The following TMC3 variants were observed in gnomAD, a reference collection of about 807,000 sequenced individuals.
TMC3 encodes the protein transmembrane channel-like protein 3.
Under a neutral mutation model 110.6 loss-of-function variants are expected in TMC3, and 98 were observed. The ratio of observed to expected loss-of-function variants is 0.89; its 90% CI spans 0.75 to 1.05. The LOEUF (loss-of-function observed/expected upper bound fraction) is 1.05. Among genes scored for constraint, TMC3 ranks in the 50% least tolerant of loss-of-function variants. The pLI, the probability that TMC3 is intolerant of heterozygous loss-of-function variation, is 0.00. For synonymous variants in TMC3, 489 were observed against 513.1 expected (o/e 0.95, Z 0.63); for missense variants, 1,319 against 1,373.2 (o/e 0.96, Z 0.62).
At chr15:81,362,579 T>C (rs1294384916) in intron 3 of TMC3, among the ~76,000 whole-genome samples, 2 of 152,142 alleles carry the variant, frequency 1.3e-5, no homozygotes, top group African/African-American at 2.4e-5. Flanking sequence ...GTGATGCCTG[T>C]ATTGAAGTGG....
At chr15:81,343,385 A>C (rs1339698325) in intron 14 of TMC3, 40 bp from the exon 15 acceptor site, 16 of 1,417,710 alleles carry the variant, frequency 1.1e-5, no homozygotes, top group Non-Finnish European at 1.6e-5. Context: ...ACAAGTTCCA[A>C]AGTTCTTTGC....
chr15:81,341,513 C>G lies in TMC3; in HGVS notation c.1721G>C (p.Gly574Ala). 3.7e-6 allele frequency: 6 copies of G among 1,609,348 alleles called. No homozygotes were observed. The highest frequency in any genetic ancestry group is 5.1e-6 in the Non-Finnish European group (6 of 1,177,712). The change falls in exon 16 of 22, where the codon GGG becomes GCG. Residue 574 changes from glycine to alanine, a missense_variant. By Grantham distance (60) the Gly-to-Ala change is moderately conservative. Transcript: ENST00000359440. The stretch of plus-strand genomic sequence containing the variant: ...TGGGAGACATGGGGAGAAGAAGGCC[C>G]CCATCCTGGAACCATGAGGAAGGTC... Reference protein sequence around the residue: ...LVYNQGMIWMGAFFSPCLPAF... With the variant: ...LVYNQGMIWMAAFFSPCLPAF...
At chr15:81,359,838 G>A (rs796758464) in intron 4 of TMC3, among the ~76,000 whole-genome samples, 8 of 152,270 alleles carry the variant, frequency 5.3e-5, no homozygotes, top group African/African-American at 1.7e-4. Context: ...ACCATTTTGA[G>A]AATTTCAAGG....
chr15:81,365,685 AG>A (rs1162820350), intron 3 of TMC3, among the ~76,000 whole-genome samples: 5,957 of 67,496 alleles, frequency 0.088, 171 homozygotes, highest in African/African-American at 0.19. Flanking sequence ...AAAAAAAAAA[AG>A]AAAAAGAAAA....
chr15:81,354,405 A>T (rs1460100944), intron 9 of TMC3, among the ~76,000 whole-genome samples: 1 of 152,180 alleles, frequency 6.6e-6, no homozygotes, highest in Non-Finnish European at 1.5e-5. Context: ...GCCTGACAGA[A>T]CTGTTTGCCC....
intron 15 of TMC3, chr15:81,342,933 T>C (rs958007935): frequency 5.0e-6 from 1 of 200,476 alleles, no homozygotes. Context: ...CTGGCCAAGG[T>C]CCCCCGCAGC....
intron 16 of TMC3, 123 bp from the exon 17 acceptor site, chr15:81,339,627 C>A: frequency 1.4e-6 from 1 of 712,984 alleles, no homozygotes. Flanking sequence ...AAATCCTCCT[C>A]TCAGGGTTAC....
chr15:81,340,208 GTC>G (rs567299755), intron 16 of TMC3, among the ~76,000 whole-genome samples: 1 of 131,468 alleles, frequency 7.6e-6, no homozygotes, highest in Non-Finnish European at 1.5e-5. Context: ...CTGTTTCTCT[GTC>G]TCTCTCTGTC....
chr15:81,351,445 T>C (rs1029330773), intron 10 of TMC3, among the ~76,000 whole-genome samples: 16 of 150,030 alleles, frequency 1.1e-4, no homozygotes, highest in African/African-American at 4.0e-4. Context: ...CTCCGTCGCC[T>C]GGGTTCAAGG....
chr15:81,362,723 T>C (rs1894216200), intron 3 of TMC3, among the ~76,000 whole-genome samples: 1 of 152,180 alleles, frequency 6.6e-6, no homozygotes, highest in African/African-American at 2.4e-5. Flanking sequence ...TACAAATTAC[T>C]CGAGGAATGA....
At chr15:81,346,489 A>C in intron 11 of TMC3, 46 bp from the exon 12 acceptor site, 2 of 1,587,194 alleles carry the variant, frequency 1.3e-6, no homozygotes, top group Non-Finnish European at 1.7e-6. Context: ...ATGGCATAGA[A>C]GTCCGTGGTT....
chr15:81,362,311 A>G lies in TMC3; in HGVS notation c.313-10T>C, dbSNP rs1398326637. The G allele has an allele frequency of 6.2e-7, 1 of 1,608,466 alleles. No individual in the cohort carries two copies. Among genetic ancestry groups the G allele is most frequent in the South Asian group, 1.1e-5 (1 of 89,926 alleles). Reference sequence around the variant, plus strand: ...CAAATTTCCGCCAGAGCTAGACAAGAGGGGTCAGGATTAGAGAGGTCACGT... The same window carrying G: ...CAAATTTCCGCCAGAGCTAGACAAGGGGGGTCAGGATTAGAGAGGTCACGT... On this transcript the variant is annotated splice_polypyrimidine_tract_variant and intron_variant, in intron 3 of 21. Transcript: ENST00000359440.
chr15:81,352,774 C>A (rs541969130), intron 9 of TMC3, among the ~76,000 whole-genome samples: 9 of 152,116 alleles, frequency 5.9e-5, no homozygotes, highest in African/African-American at 7.2e-5. Flanking sequence ...TGACTCCGTG[C>A]AGGCCTAGGC....
At chr15:81,373,108 T>G (rs768435812) in intron 1 of TMC3, among the ~76,000 whole-genome samples, 16 of 152,144 alleles carry the variant, frequency 1.1e-4, no homozygotes, top group Non-Finnish European at 2.2e-4. Context: ...CAAAATAATT[T>G]CTTTTTCAGG....
chr15:81,368,473 C>CTCTACT (rs56061003), intron 2 of TMC3, 145 bp from the exon 3 acceptor site: 1 of 609,800 alleles, frequency 1.6e-6, no homozygotes. Context: ...TGGAGTTACA[C>CTCTACT]AAATACTTCA....
intron 18 of TMC3, among the ~76,000 whole-genome samples, chr15:81,338,172 G>A (rs1010775685): frequency 1.3e-5 from 2 of 152,144 alleles, no homozygotes; most frequent in South Asian, 4.1e-4. Context: ...TTCTGCACTG[G>A]TGATAGCAAT....
rs1431638569 is a variant in TMC3 at position 81,332,515 on chromosome 15, C to T, written c.3207G>A (p.Arg1069=). 3 of 1,613,596 alleles carry T rather than the reference C, an allele frequency of 1.9e-6. No individual in the cohort carries two copies. The African/African-American group carries it at 4.0e-5, about 22-fold the overall frequency. Residue 1069 remains arginine, a synonymous_variant, in exon 22 of 22, where the codon AGG becomes AGA. Coordinates refer to ENST00000359440, the MANE Select transcript of TMC3 (RefSeq NM_001080532.3). ...QYLQVTHSQG[R]FPRSVGQPSR... The stretch of plus-strand genomic sequence containing the variant: ...TGGGCTGGCCCACGGACCTCGGGAA[C>T]CTGCCCTGGCTGTGGGTGACCTGCA...
At position 81,345,636 on chromosome 15, in the gene TMC3, G is replaced by A. The variant is rs544229366; in HGVS notation, c.1273-625C>T. Among the ~76,000 whole-genome samples the A allele has an allele frequency of 5.9e-5, 9 of 152,226 alleles. No homozygotes were observed. The South Asian group carries it at 6.2e-4, about 11-fold the overall frequency. On this transcript the variant is annotated intron_variant, in intron 12 of 21. Coordinates refer to ENST00000359440, the MANE Select transcript of TMC3 (RefSeq NM_001080532.3). Reference sequence around the variant, plus strand: ...TGTAATCCCAGCACTTTGGGAGGTCGAGGCAGGGGAATCGCTTGAGCCCAA... The same window carrying A: ...TGTAATCCCAGCACTTTGGGAGGTCAAGGCAGGGGAATCGCTTGAGCCCAA...
intron 17 of TMC3, 82 bp from the exon 18 acceptor site, chr15:81,338,862 C>G: frequency 6.8e-7 from 1 of 1,477,148 alleles, no homozygotes; most frequent in Admixed American, 1.8e-5. Flanking sequence ...TGGCTGGATG[C>G]CTGGAGGCCA....
Sources: allele counts gnomAD v4.1 joint callset (sites outside exome capture counted in the v4.1 genomes callset), GRCh38; gene constraint gnomAD v4.1.1; transcripts MANE v1.5; gene names NCBI Gene and HGNC (gene_info 2026-07-23, HGNC 2026-07-21).